Variants in NPAS3 observed in about 807,000 individuals in gnomAD.
The protein encoded by NPAS3 is neuronal PAS domain protein 3.
Under a neutral mutation model 73.1 loss-of-function variants are expected in NPAS3, and 14 were observed. The observed-to-expected ratio is 0.19, with a 90% CI of 0.13 to 0.30. The LOEUF is 0.30. NPAS3 is among the 10% of genes least tolerant of loss of function. The probability of loss-of-function intolerance (pLI) is 1.00; values close to 1 mark genes in which losing one functional copy is unlikely to be tolerated. For synonymous variants in NPAS3, 620 were observed against 541.5 expected, an observed-to-expected ratio of 1.14 and a Z score of -2.01; for missense variants, 1,096 against 1,250.0, an observed-to-expected ratio of 0.88 and a Z score of 1.86.
At chr14:33,420,885 G>A (rs1218799240) in intron 4 of NPAS3, among the ~76,000 whole-genome samples, 3 of 151,842 alleles carry the variant, frequency 2.0e-5, no homozygotes, top group African/African-American at 7.2e-5. Context: ...GCTTCTATTT[G>A]ATGTAAATGC....
chr14:33,381,247 C>A (rs2046539182), intron 4 of NPAS3, among the ~76,000 whole-genome samples: 1 of 152,176 alleles, frequency 6.6e-6, no homozygotes, highest in African/African-American at 2.4e-5. Flanking sequence ...AAAGCCCAAT[C>A]CAGCATTTAG....
chr14:33,697,232 T>C (rs1004675387), intron 6 of NPAS3, among the ~76,000 whole-genome samples: 2 of 152,202 alleles, frequency 1.3e-5, no homozygotes, highest in Non-Finnish European at 2.9e-5. Flanking sequence ...GGCATCTAAA[T>C]AAGCCTGCTA....
At chr14:33,401,550 C>T (rs998959885) in intron 4 of NPAS3, among the ~76,000 whole-genome samples, 1 of 152,078 alleles carries the variant, frequency 6.6e-6, no homozygotes, top group African/African-American at 2.4e-5. Flanking sequence ...AGCTCAGCTG[C>T]ATGCCTTTGA....
chr14:33,427,441 T>C (rs1433755641), intron 4 of NPAS3, among the ~76,000 whole-genome samples: 1 of 151,800 alleles, frequency 6.6e-6, no homozygotes, highest in Non-Finnish European at 1.5e-5. Context: ...AGAAAGGCAT[T>C]ACTTTTATAC....
chr14:33,665,600 C>G (rs368065663), intron 5 of NPAS3, among the ~76,000 whole-genome samples: 1 of 152,190 alleles, frequency 6.6e-6, no homozygotes, highest in East Asian at 1.9e-4. Context: ...CATTGCATGC[C>G]TGTATCAAAA....
At chr14:33,670,234 T>TA (rs1236934052) in intron 5 of NPAS3, among the ~76,000 whole-genome samples, 3 of 152,218 alleles carry the variant, frequency 2.0e-5, no homozygotes, top group Admixed American at 6.5e-5. Flanking sequence ...AAGCCTCTGT[T>TA]AACATATCTG....
intron 2 of NPAS3, among the ~76,000 whole-genome samples, chr14:33,137,740 G>A (rs1228524319): frequency 6.6e-6 from 1 of 152,102 alleles, no homozygotes; most frequent in African/African-American, 2.4e-5. Flanking sequence ...TCTCAAGAAT[G>A]GCCCAGTATC....
At chr14:33,023,150 T>C (rs1213802178) in intron 1 of NPAS3, among the ~76,000 whole-genome samples, 1 of 152,168 alleles carries the variant, frequency 6.6e-6, no homozygotes, top group African/African-American at 2.4e-5. Flanking sequence ...TTCTGGGCTG[T>C]CACCATCAAA....
intron 6 of NPAS3, among the ~76,000 whole-genome samples, chr14:33,700,324 C>G (rs951805678): frequency 6.6e-6 from 1 of 152,200 alleles, no homozygotes; most frequent in African/African-American, 2.4e-5. Flanking sequence ...GCACAGAGCT[C>G]AACTCCCTTT....
chr14:33,800,848 C>G lies in NPAS3; in HGVS notation c.2541C>G (p.Asn847Lys). 1 of 1,604,604 alleles carries G rather than the reference C, an allele frequency of 6.2e-7. No homozygotes were observed. The highest frequency in any genetic ancestry group is 8.5e-7 in the Non-Finnish European group (1 of 1,176,098). ...CCATGCAGAGCAACCTGCTGCCCAACGCGCACGCTGTTAACTTCGTGGACG... is the reference window on the plus strand; with the variant it reads ...CCATGCAGAGCAACCTGCTGCCCAAGGCGCACGCTGTTAACTTCGTGGACG... The change falls in exon 12 of 12, where the codon AAC becomes AAG. Residue 847 changes from asparagine (N) to lysine (K), a missense_variant. This residue lies in a region of NPAS3 where 698 missense variants were observed against 676.7 expected (regional missense o/e 1.03). Coordinates refer to ENST00000356141, the Ensembl canonical transcript of NPAS3. The surrounding 1 kb of genome is among the most constrained non-coding windows in gnomAD (Gnocchi z 6.5).
intron 1 of NPAS3, among the ~76,000 whole-genome samples, chr14:32,996,282 A>C (rs1325566851): frequency 6.6e-6 from 1 of 152,202 alleles, no homozygotes; most frequent in Non-Finnish European, 1.5e-5. Context: ...TTTATAAGGA[A>C]AAAAGAGTAT....
intron 4 of NPAS3, among the ~76,000 whole-genome samples, chr14:33,555,229 C>T (rs577404690): frequency 3.9e-5 from 6 of 152,258 alleles, no homozygotes; most frequent in South Asian, 2.1e-4. Context: ...TCTAAGATTG[C>T]GTTTCCCATC....
chr14:33,248,604 G>C (rs968755251), intron 3 of NPAS3, among the ~76,000 whole-genome samples: 11 of 151,742 alleles, frequency 7.2e-5, no homozygotes, highest in South Asian at 6.2e-4. Context: ...GAAATGATTG[G>C]AGATTAAAAA....
intron 2 of NPAS3, among the ~76,000 whole-genome samples, chr14:33,146,714 A>G (rs2044248703): frequency 6.6e-6 from 1 of 152,192 alleles, no homozygotes; most frequent in African/African-American, 2.4e-5. Flanking sequence ...CAGACACCTA[A>G]ACATGCCTTA....
At chr14:33,530,570 G>A (rs964323870) in intron 4 of NPAS3, among the ~76,000 whole-genome samples, 1 of 152,034 alleles carries the variant, frequency 6.6e-6, no homozygotes, top group Non-Finnish European at 1.5e-5. Flanking sequence ...CTTGACACAT[G>A]GATGTGAAAG....
chr14:33,000,516 G>T lies in NPAS3; in HGVS notation c.51-55389G>T, dbSNP rs376334236. Reference sequence around the variant, plus strand: ...GTGAGTTGTTATGTATCTGGTGCAAGTATATGAGTAGAAGTTTGAACTTCA... The same window carrying T: ...GTGAGTTGTTATGTATCTGGTGCAATTATATGAGTAGAAGTTTGAACTTCA... On this transcript the variant is annotated intron_variant, in intron 1 of 11. Transcript: ENST00000356141. Among the ~76,000 whole-genome samples the T allele has an allele frequency of 2.9e-3, 435 of 152,298 alleles. 5 individuals are homozygous for T. The highest frequency in any genetic ancestry group is 3.4e-3 in the Middle Eastern group (1 of 294).
chr14:33,774,866 C>T (rs563155797), intron 8 of NPAS3, among the ~76,000 whole-genome samples: 17 of 152,188 alleles, frequency 1.1e-4, no homozygotes, highest in African/African-American at 2.6e-4. Context: ...GATGCCTCAT[C>T]GGGACCCACT....
intron 3 of NPAS3, among the ~76,000 whole-genome samples, chr14:33,302,385 A>C (rs1442432316): frequency 6.6e-6 from 1 of 152,202 alleles, no homozygotes; most frequent in Non-Finnish European, 1.5e-5. Context: ...TGAAACTCAA[A>C]AAATGATGGA....
chr14:33,501,133 T>C (rs1308126886), intron 4 of NPAS3, among the ~76,000 whole-genome samples: 1 of 151,916 alleles, frequency 6.6e-6, no homozygotes, highest in African/African-American at 2.4e-5. Flanking sequence ...CTTACAGAAA[T>C]GATATAAATT....
Sources: allele counts gnomAD v4.1 joint callset (sites outside exome capture counted in the v4.1 genomes callset), GRCh38; gene constraint gnomAD v4.1.1; regional missense constraint gnomAD v4.1.1; non-coding constraint Gnocchi (gnomAD v3.1); transcripts MANE v1.5; gene names NCBI Gene and HGNC (gene_info 2026-07-23, HGNC 2026-07-21).